The following LIPG variants were observed in gnomAD, a reference collection of about 807,000 sequenced individuals.
The protein encoded by LIPG is endothelial lipase.
In LIPG, 34 loss-of-function variants were observed where a neutral mutation model predicts 51.8. That is an observed-to-expected ratio of 0.66 (90% CI 0.50 to 0.87). The LOEUF is 0.87. LIPG is among the 40% of genes least tolerant of loss of function. The probability of loss-of-function intolerance (pLI) is 0.00; values close to 1 mark genes in which losing one functional copy is unlikely to be tolerated. For synonymous variants in LIPG, 246 were observed against 246.1 expected, an observed-to-expected ratio of 1.00 and a Z score of 0.00; for missense variants, 580 against 652.7, an observed-to-expected ratio of 0.89 and a Z score of 1.21.
intron 7 of LIPG, 72 bp from the exon 8 acceptor site, chr18:49,583,484 T>A: frequency 1.6e-6 from 2 of 1,275,056 alleles, no homozygotes; most frequent in Non-Finnish European, 2.3e-6. Context: ...TTACTGCCAC[T>A]GTGTCACCCC....
chr18:49,589,826 C>T (rs542610460), intron 9 of LIPG: 5 of 155,732 alleles, frequency 3.2e-5, no homozygotes, highest in Admixed American at 3.1e-4. Context: ...TACCTGAGAA[C>T]TCTATGATTC....
chr18:49,564,097 C>T lies in LIPG; in HGVS notation c.98-1220C>T, dbSNP rs1214296315. Among the ~76,000 whole-genome samples, 6 of 152,282 alleles carry T rather than the reference C, an allele frequency of 3.9e-5. No homozygotes were observed. In the South Asian group the frequency reaches 1.0e-3, roughly 26 times the overall value. On this transcript the variant is annotated intron_variant, in intron 1 of 9. Transcript: ENST00000261292. ...TCAGCAGCATTTTCTGGAACCTTAT[C>T]CCTCTTACATCTGCTGCATTCTTCC...
chr18:49,566,798 C>T (rs148708550), intron 2 of LIPG, among the ~76,000 whole-genome samples: 7 of 152,290 alleles, frequency 4.6e-5, no homozygotes, highest in African/African-American at 1.7e-4. Flanking sequence ...GACCAGGCCA[C>T]TTGCCTGCCT....
At chr18:49,563,556 A>G (rs1052308015) in intron 1 of LIPG, among the ~76,000 whole-genome samples, 1 of 151,714 alleles carries the variant, frequency 6.6e-6, no homozygotes, top group Non-Finnish European at 1.5e-5. Context: ...GAAGACAGAC[A>G]GTGCACTGAT....
At chr18:49,577,805 C>A (rs866904411) in intron 5 of LIPG, among the ~76,000 whole-genome samples, 2 of 116,064 alleles carry the variant, frequency 1.7e-5, no homozygotes, top group East Asian at 2.2e-4. Context: ...CTGACCCCCC[C>A]ACCTCCCTCC....
At position 49,582,485 on chromosome 18, in the gene LIPG, A is replaced by C. The variant is rs2084830744; in HGVS notation, c.1157+3A>C. ...TCCCAGACTCTGCCACTGGAAATGTAAGTCATCCGTTTCCCTTGCTGGGTT... is the reference window on the plus strand; with the variant it reads ...TCCCAGACTCTGCCACTGGAAATGTCAGTCATCCGTTTCCCTTGCTGGGTT... On this transcript the variant is annotated splice_donor_region_variant and intron_variant, in intron 7 of 9. Coordinates refer to ENST00000261292, the MANE Select transcript of LIPG (RefSeq NM_006033.4). 3.7e-6 allele frequency: 6 copies of C among 1,614,228 alleles called. No homozygotes were observed. The highest frequency in any genetic ancestry group is 5.1e-6 in the Non-Finnish European group (6 of 1,180,046).
chr18:49,591,481 T>C lies in LIPG; in HGVS notation c.*959T>C, dbSNP rs1202059553. ...GCCAGAATGATGGCCGGTTGCCAGATATAACTGCTTTGGAGCAAATCTCTT... is the reference window on the plus strand; with the variant it reads ...GCCAGAATGATGGCCGGTTGCCAGACATAACTGCTTTGGAGCAAATCTCTT... On this transcript the variant is annotated 3_prime_UTR_variant, in exon 10 of 10. Coordinates refer to ENST00000261292, the MANE Select transcript of LIPG (RefSeq NM_006033.4). 1 of 152,266 alleles carries C rather than the reference T, an allele frequency of 6.6e-6. No homozygotes were observed. The highest frequency in any genetic ancestry group is 1.5e-5 in the Non-Finnish European group (1 of 68,054). 9.4% of individuals were successfully genotyped at this position (152,266 alleles called of 1,614,324 possible). A position where few individuals can be genotyped will look rare whatever the true frequency, so the allele number is the denominator to read the frequency against.
At chr18:49,588,015 C>T (rs766838941) in intron 9 of LIPG, among the ~76,000 whole-genome samples, 40 of 152,238 alleles carry the variant, frequency 2.6e-4, no homozygotes, top group Non-Finnish European at 5.3e-4. Flanking sequence ...GTCTTGAACT[C>T]CATGGCTCAA....
rs2084967574 is a variant in LIPG, at chr18:49,594,124, T to C, written c.*3602T>C. 6.7e-6 allele frequency: 1 copy of C among 150,146 alleles called. No homozygotes were observed. Among genetic ancestry groups the C allele is most frequent in the African/African-American group, 2.4e-5 (1 of 41,236 alleles). The allele number at this position is 150,146 out of a possible 1,614,324, so 9.3% of individuals were successfully genotyped here. A position where few individuals can be genotyped will look rare whatever the true frequency, so the allele number is the denominator to read the frequency against. On this transcript the variant is annotated 3_prime_UTR_variant, in exon 10 of 10. Transcript: ENST00000261292. Reference sequence around the variant, plus strand: ...TAGCTGTAATCTTGTTTGTTTCGTTTGGTGTTTTTTGTTTTTTTGTTTTTT... The same window carrying C: ...TAGCTGTAATCTTGTTTGTTTCGTTCGGTGTTTTTTGTTTTTTTGTTTTTT...
chr18:49,577,590 G>T (rs1265276025), intron 5 of LIPG, among the ~76,000 whole-genome samples: 1 of 149,072 alleles, frequency 6.7e-6, no homozygotes, highest in Non-Finnish European at 1.5e-5. Flanking sequence ...CCCAGTAGGG[G>T]CGGCCGGGCA....
At chr18:49,573,576 A>T (rs61753846) in intron 4 of LIPG, among the ~76,000 whole-genome samples, 12,918 of 150,492 alleles carry the variant, frequency 0.086, 662 homozygotes, top group South Asian at 0.15. Flanking sequence ...CAAGATTCCA[A>T]CTCAAAAAAA....
intron 4 of LIPG, among the ~76,000 whole-genome samples, chr18:49,572,177 G>A (rs913908075): frequency 1.1e-4 from 16 of 152,004 alleles, no homozygotes; most frequent in African/African-American, 3.9e-4. Flanking sequence ...AAAATTAGCC[G>A]GGCATGGTGG....
chr18:49,577,535 C>T (rs2084732813), intron 5 of LIPG, among the ~76,000 whole-genome samples: 1 of 149,562 alleles, frequency 6.7e-6, no homozygotes, highest in African/African-American at 2.5e-5. Context: ...CTGCTGGGCA[C>T]ACCTCCCAGA....
intron 8 of LIPG, among the ~76,000 whole-genome samples, chr18:49,584,641 C>G (rs572788684): frequency 1.3e-5 from 2 of 152,156 alleles, no homozygotes; most frequent in Non-Finnish European, 2.9e-5. Context: ...ATCTATGACA[C>G]AGCTTGGCAG....
At chr18:49,589,093 C>G (rs942479005) in intron 9 of LIPG, among the ~76,000 whole-genome samples, 1 of 152,090 alleles carries the variant, frequency 6.6e-6, no homozygotes. Context: ...TGTTGAGCAC[C>G]GAGGCTCCAA....
At position 49,576,457 on chromosome 18, in the gene LIPG, C is replaced by CTTTTTTTTTTTTTTTTTT. The variant is rs34597464; in HGVS notation, c.793+877_793+894dup. Among the ~76,000 whole-genome samples the CTTTTTTTTTTTTTTTTTT allele has an allele frequency of 9.3e-4, 48 of 51,526 alleles. 12 individuals carry two copies. Among genetic ancestry groups the CTTTTTTTTTTTTTTTTTT allele is most frequent in the African/African-American group, 1.3e-3 (15 of 11,810 alleles). The allele number at this position is 51,526 out of a possible 152,430, so 33.8% of individuals were successfully genotyped here. On this transcript the variant is annotated intron_variant, in intron 5 of 9. Transcript: ENST00000261292. Reference sequence around the variant, plus strand: ...TCTTTTTTTAAAAGACAGAATCTTGCTTTTTTTTTTTTTTTTTTTTTTTTT... The same window carrying CTTTTTTTTTTTTTTTTTT: ...TCTTTTTTTAAAAGACAGAATCTTGCTTTTTTTTTTTTTTTTTTTTTTTTTTTTTTTTTTTTTTTTTTT...
chr18:49,578,343 C>G (rs201912891), intron 5 of LIPG, among the ~76,000 whole-genome samples: 26,644 of 132,660 alleles, frequency 0.2, 2,497 homozygotes, highest in Middle Eastern at 0.29. Context: ...ACCTCCCAGA[C>G]GGGGTCTCGG....
At chr18:49,566,401 G>C (rs1294852587) in intron 2 of LIPG, among the ~76,000 whole-genome samples, 1 of 152,160 alleles carries the variant, frequency 6.6e-6, no homozygotes, top group Non-Finnish European at 1.5e-5. Context: ...CGACTTACAA[G>C]TAGGTTGCAT....
At chr18:49,565,279 T>A in intron 1 of LIPG, 38 bp from the exon 2 acceptor site, 1 of 1,607,040 alleles carries the variant, frequency 6.2e-7, no homozygotes, top group Non-Finnish European at 8.5e-7. Context: ...ACTCCGCAAG[T>A]CTGCTAGATG....
Sources: allele counts gnomAD v4.1 joint callset (sites outside exome capture counted in the v4.1 genomes callset), GRCh38; gene constraint gnomAD v4.1.1; transcripts MANE v1.5; gene names NCBI Gene and HGNC (gene_info 2026-07-23, HGNC 2026-07-21).